The following RNF180 variants were observed in gnomAD, a reference collection of about 807,000 sequenced individuals.
RNF180 encodes the protein E3 ubiquitin-protein ligase RNF180.
RNF180 carries 38 observed loss-of-function variants against 59.2 expected under a neutral mutation model. The ratio of observed to expected loss-of-function variants is 0.64; its 90% CI spans 0.50 to 0.84. The LOEUF (loss-of-function observed/expected upper bound fraction) is 0.84. RNF180 is among the 40% of genes least tolerant of loss of function. The probability of loss-of-function intolerance (pLI) is 0.00; values close to 1 mark genes in which losing one functional copy is unlikely to be tolerated. For missense variants in RNF180, 705 were observed against 700.9 expected (o/e 1.01, Z -0.07); for synonymous variants, 262 against 240.3 (o/e 1.09, Z -0.84).
chr5:64,213,633 C>G lies in RNF180; in HGVS notation c.307C>G (p.Pro103Ala). Residue 103 changes from proline to alanine, a missense_variant, in exon 4 of 8, where the codon CCA (proline) becomes GCA (alanine). Transcript: ENST00000389100. ...AGGGGGCTTTAATTTTGTCAGCACT[C>G]CAAAATGTTCCTGTGGCCAGCTTGC... Reference protein sequence around the residue: ...RLGGFNFVSTPKCSCGQLAAV... With the variant: ...RLGGFNFVSTAKCSCGQLAAV... 5.6e-6 allele frequency: 9 copies of G among 1,614,134 alleles called. No homozygotes were observed. Among genetic ancestry groups the G allele is most frequent in the Non-Finnish European group, 7.6e-6 (9 of 1,179,998 alleles).
chr5:64,171,586 G>C (rs905077235), intron 1 of RNF180, among the ~76,000 whole-genome samples: 1 of 152,162 alleles, frequency 6.6e-6, no homozygotes, highest in Non-Finnish European at 1.5e-5. Flanking sequence ...TTATGAGTTT[G>C]CCAGCTTAAA....
chr5:64,297,077 G>A (rs1018235036), intron 5 of RNF180, among the ~76,000 whole-genome samples: 1 of 151,976 alleles, frequency 6.6e-6, no homozygotes, highest in African/African-American at 2.4e-5. Flanking sequence ...TAGAATTCCA[G>A]TCGATAACTA....
At chr5:64,368,034 CAAAAG>C (rs1375004651) in intron 7 of RNF180, among the ~76,000 whole-genome samples, 1 of 151,632 alleles carries the variant, frequency 6.6e-6, no homozygotes, top group African/African-American at 2.4e-5. Context: ...TGTAAATACA[CAAAAG>C]AAAATTGTAT....
In RNF180 at chr5:64,210,067, C is replaced by T. The variant is rs1752226314; in HGVS notation, c.136-1998C>T. Among the ~76,000 whole-genome samples, 3 of 152,010 alleles carry T rather than the reference C, an allele frequency of 2.0e-5. No homozygotes were observed. The East Asian group carries it at 5.8e-4, about 29-fold the overall frequency. Reference sequence around the variant, plus strand: ...AATCACTATTAGAACTTAGAAAAGGCAGATGACAGAAGCACACAAAATCAA... The same window carrying T: ...AATCACTATTAGAACTTAGAAAAGGTAGATGACAGAAGCACACAAAATCAA... On this transcript the variant is annotated intron_variant, in intron 2 of 7. Coordinates refer to ENST00000389100, the MANE Select transcript of RNF180 (RefSeq NM_001113561.2).
intron 7 of RNF180, among the ~76,000 whole-genome samples, chr5:64,337,505 C>CT (rs933245539): frequency 6.6e-6 from 1 of 151,732 alleles, no homozygotes; most frequent in Non-Finnish European, 1.5e-5. Context: ...TTTTTGCAAT[C>CT]TTTTTTATTT....
At chr5:64,290,342 T>C (rs1431466604) in intron 5 of RNF180, among the ~76,000 whole-genome samples, 1 of 152,250 alleles carries the variant, frequency 6.6e-6, no homozygotes, top group African/African-American at 2.4e-5. Flanking sequence ...ATGAGAATAA[T>C]GTATATTCTG....
At chr5:64,273,624 T>G (rs1741554597) in intron 5 of RNF180, among the ~76,000 whole-genome samples, 2 of 151,968 alleles carry the variant, frequency 1.3e-5, no homozygotes, top group Admixed American at 6.6e-5. Flanking sequence ...GAAAAATATC[T>G]GTTGGCTCTA....
intron 6 of RNF180, among the ~76,000 whole-genome samples, chr5:64,328,627 T>C (rs574504971): frequency 1.5e-4 from 23 of 152,278 alleles, no homozygotes; most frequent in African/African-American, 5.3e-4. Context: ...GGAGTTAGAG[T>C]TGCAGGTTTA....
At chr5:64,293,422 T>C (rs1742715627) in intron 5 of RNF180, among the ~76,000 whole-genome samples, 1 of 152,158 alleles carries the variant, frequency 6.6e-6, no homozygotes, top group African/African-American at 2.4e-5. Context: ...TCGGCCACCT[T>C]GTCCCCTCCT....
intron 5 of RNF180, among the ~76,000 whole-genome samples, chr5:64,309,194 C>A (rs1743626635): frequency 6.6e-6 from 1 of 151,696 alleles, no homozygotes; most frequent in South Asian, 2.1e-4. Flanking sequence ...ACTTTGACTA[C>A]CTGAAAGTTA....
chr5:64,273,604 G>T (rs982473954), intron 5 of RNF180, among the ~76,000 whole-genome samples: 1 of 151,880 alleles, frequency 6.6e-6, no homozygotes, highest in African/African-American at 2.4e-5. Context: ...GGTCAAGAAA[G>T]ATAAAAACTG....
intron 7 of RNF180, among the ~76,000 whole-genome samples, chr5:64,343,477 A>C (rs1173495839): frequency 2.6e-5 from 4 of 152,122 alleles, no homozygotes; most frequent in Non-Finnish European, 1.5e-5. Context: ...TCCAAAACTG[A>C]AGACAGACAT....
intron 1 of RNF180, among the ~76,000 whole-genome samples, chr5:64,187,356 G>T (rs1269452608): frequency 1.3e-5 from 2 of 152,072 alleles, no homozygotes; most frequent in African/African-American, 4.8e-5. Context: ...CCCAGAGAAG[G>T]TAGAAGAAAA....
chr5:64,170,500 T>G (rs891782886), intron 1 of RNF180, among the ~76,000 whole-genome samples: 1 of 152,182 alleles, frequency 6.6e-6, no homozygotes, highest in African/African-American at 2.4e-5. Flanking sequence ...AGATTTGGGT[T>G]TGGCAGGACA....
At chr5:64,253,224 A>T (rs1743699974) in intron 5 of RNF180, among the ~76,000 whole-genome samples, 1 of 152,162 alleles carries the variant, frequency 6.6e-6, no homozygotes, top group South Asian at 2.1e-4. Flanking sequence ...AACATTTATG[A>T]AGCTATGAAC....
chr5:64,300,240 T>C (rs1219659617), intron 5 of RNF180, among the ~76,000 whole-genome samples: 2 of 151,782 alleles, frequency 1.3e-5, no homozygotes, highest in Admixed American at 6.6e-5. Context: ...GTATTTTGTG[T>C]GTGACATTGT....
intron 7 of RNF180, among the ~76,000 whole-genome samples, chr5:64,337,151 CT>C (rs1218164012): frequency 1.3e-5 from 2 of 151,936 alleles, no homozygotes; most frequent in African/African-American, 2.4e-5. Context: ...GTAGCTGGGA[CT>C]ACAGGAGCAC....
At chr5:64,254,714 G>T (rs1023083956) in intron 5 of RNF180, among the ~76,000 whole-genome samples, 3 of 152,100 alleles carry the variant, frequency 2.0e-5, no homozygotes, top group African/African-American at 4.8e-5. Context: ...GCTAATTATA[G>T]AGTAGGCGAA....
intron 5 of RNF180, among the ~76,000 whole-genome samples, chr5:64,245,455 A>G (rs1444535249): frequency 6.6e-6 from 1 of 152,216 alleles, no homozygotes; most frequent in African/African-American, 2.4e-5. Context: ...CAAAAAAAGC[A>G]GGGGTTGCAA....
Sources: allele counts gnomAD v4.1 joint callset (sites outside exome capture counted in the v4.1 genomes callset), GRCh38; gene constraint gnomAD v4.1.1; transcripts MANE v1.5; gene names NCBI Gene and HGNC (gene_info 2026-07-23, HGNC 2026-07-21).